Variants in AMHR2 observed in about 807,000 individuals in gnomAD.
AMHR2 encodes the protein anti-Mullerian hormone receptor type 2, also known as anti-Muellerian hormone type-2 receptor.
AMHR2 carries 36 observed loss-of-function variants against 61.4 expected under a neutral mutation model. The ratio of observed to expected loss-of-function variants is 0.59; its 90% confidence interval spans 0.45 to 0.77. The LOEUF (loss-of-function observed/expected upper bound fraction) is 0.77, where lower values mean the gene tolerates loss of function less well. Among genes scored for constraint, AMHR2 ranks in the 30% least tolerant of loss-of-function variants. The pLI, the probability that AMHR2 is intolerant of heterozygous loss-of-function variation, is 0.00. For synonymous variants in AMHR2, 258 were observed against 279.4 expected (o/e 0.92, Z 0.76); for missense variants, 638 against 714.6 (o/e 0.89, Z 1.22).
At chr12:53,428,668 G>A (rs747657981) in intron 6 of AMHR2, among the ~76,000 whole-genome samples, 22 of 152,178 alleles carry the variant, frequency 1.4e-4, no homozygotes, top group Non-Finnish European at 2.8e-4. Flanking sequence ...CACATCCACT[G>A]GGTCTGGACC....
At chr12:53,429,404 A>AAT in intron 7 of AMHR2, 49 bp from the exon 8 acceptor site, 1 of 1,506,808 alleles carries the variant, frequency 6.6e-7, no homozygotes, top group South Asian at 1.2e-5. Context: ...AAAAAAAAAA[A>AAT]GAGGGAGGAA....
intron 10 of AMHR2, chr12:53,430,573 C>A: frequency 2.0e-6 from 1 of 512,330 alleles, no homozygotes; most frequent in Non-Finnish European, 3.5e-6. Flanking sequence ...GTTCCTCAGT[C>A]CCCTTCTCCA....
intron 1 of AMHR2, 71 bp from the exon 2 acceptor site, chr12:53,424,217 T>G: frequency 6.3e-7 from 1 of 1,588,956 alleles, no homozygotes; most frequent in Non-Finnish European, 8.6e-7. Flanking sequence ...TTGTCTATTC[T>G]TTTGGCCAGT....
intron 6 of AMHR2, among the ~76,000 whole-genome samples, chr12:53,428,548 T>G (rs1939817143): frequency 6.6e-6 from 1 of 152,196 alleles, no homozygotes; most frequent in Non-Finnish European, 1.5e-5. Context: ...CCTCACCGAC[T>G]GACTTCAAGA....
rs374601719 is a variant in AMHR2, at chr12:53,425,242, G to A, written c.502G>A (p.Ala168Thr). The change falls in exon 4 of 11, where the codon GCC (alanine) becomes ACC (threonine). Residue 168 changes from alanine to threonine, a missense_variant and splice_region_variant. Coordinates refer to ENST00000257863, the MANE Select transcript of AMHR2 (RefSeq NM_020547.3). Reference protein sequence around the residue: ...LLLLLGSIILALLQRKNYRVR... With the variant: ...LLLLLGSIILTLLQRKNYRVR... ...GCTGCTGCTGGGCAGCATCATCTTG[G>A]GTACTAATCCACCCCATCCCTCCCT... 1.7e-5 allele frequency: 27 copies of A among 1,613,190 alleles called. No individual in the cohort carries two copies. The highest frequency in any genetic ancestry group is 1.3e-4 in the Admixed American group (8 of 59,968).
rs1939451366 is a variant in AMHR2, at chr12:53,425,225, TG to T, written c.488del (p.Gly163AlafsTer46). 1.2e-6 allele frequency: 2 copies of T among 1,613,806 alleles called. No individual in the cohort carries two copies. The highest frequency in any genetic ancestry group is 2.2e-5 in the South Asian group (2 of 91,078). ...CTGTTCCTCCTCCTCCTGCTGCTGCTGGGCAGCATCATCTTGGGTACTAATC... is the reference window on the plus strand; with the variant it reads ...CTGTTCCTCCTCCTCCTGCTGCTGCTGGCAGCATCATCTTGGGTACTAATC... Reference protein sequence around the residue: ...LGLFLLLLLLLGSIILALLQR... With the variant: ...LGLFLLLLLLXGSIILALLQR... On this transcript the variant is annotated frameshift_variant, in exon 4 of 11. Transcript: ENST00000257863. LOFTEE classifies it high-confidence loss of function.
Position 53,431,183 on chromosome 12 carries a change from G to T in AMHR2, c.1432G>T (p.Asp478Tyr). The stretch of plus-strand genomic sequence containing the variant: ...TCCCTGTCATTCCCCCCAGGACCCT[G>T]ATGGGCTGAGGGAGCTCCTAGAAGA... ...STWRCFATDP[D>Y]GLRELLEDCW... Residue 478 changes from aspartate (D) to tyrosine (Y), a missense_variant, in exon 11 of 11, where the codon GAT (aspartate) becomes TAT (tyrosine). Coordinates refer to ENST00000257863, the MANE Select transcript of AMHR2 (RefSeq NM_020547.3). 6.2e-7 allele frequency: 1 copy of T among 1,614,178 alleles called. No homozygotes were observed. Among genetic ancestry groups the T allele is most frequent in the Non-Finnish European group, 8.5e-7 (1 of 1,180,044 alleles).
intron 7 of AMHR2, 118 bp from the exon 8 acceptor site, chr12:53,429,335 T>A (rs1592604065): frequency 8.8e-7 from 1 of 1,133,478 alleles, no homozygotes; most frequent in Non-Finnish European, 1.3e-6. Context: ...GAGGTTGCAG[T>A]GAGCCGAGAT....
In AMHR2 at chr12:53,430,214, C is replaced by G; in HGVS notation, c.1357C>G (p.Leu453Val). 6.2e-7 allele frequency: 1 copy of G among 1,614,076 alleles called. No homozygotes were observed. Among genetic ancestry groups the G allele is most frequent in the Non-Finnish European group, 8.5e-7 (1 of 1,179,948 alleles). Residue 453 changes from leucine to valine, a missense_variant, in exon 10 of 11, where the codon CTA becomes GTA. Coordinates refer to ENST00000257863, the MANE Select transcript of AMHR2 (RefSeq NM_020547.3). ...GGGCAATACCCCTACCTCTGATGAGCTATGGGCCTTGGCAGTGCAGGAGAG... is the reference window on the plus strand; with the variant it reads ...GGGCAATACCCCTACCTCTGATGAGGTATGGGCCTTGGCAGTGCAGGAGAG... ...ELGNTPTSDE[L>V]WALAVQERRR...
rs766497586 is a variant in AMHR2, at chr12:53,431,169, C to G, written c.1426-8C>G. On this transcript the variant is annotated splice_polypyrimidine_tract_variant and splice_region_variant and intron_variant, in intron 10 of 10. Coordinates refer to ENST00000257863, the MANE Select transcript of AMHR2 (RefSeq NM_020547.3). Reference sequence around the variant, plus strand: ...GGGTCAACCCTTCCTCCCTGTCATTCCCCCCAGGACCCTGATGGGCTGAGG... The same window carrying G: ...GGGTCAACCCTTCCTCCCTGTCATTGCCCCCAGGACCCTGATGGGCTGAGG... The G allele has an allele frequency of 3.1e-6, 5 of 1,613,724 alleles. No individual in the cohort carries two copies. The highest frequency in any genetic ancestry group is 3.4e-6 in the Non-Finnish European group (4 of 1,179,886).
chr12:53,429,167 C>T (rs146521157), intron 7 of AMHR2, among the ~76,000 whole-genome samples, 157 bp downstream of exon 7: 3 of 152,036 alleles, frequency 2.0e-5, no homozygotes, highest in African/African-American at 7.2e-5. Context: ...CCGAGGTGGG[C>T]GGATCACAAG....
rs752372347 is a variant in AMHR2, at chr12:53,429,588, C to T, written c.1103C>T (p.Thr368Ile). 1 of 1,614,080 alleles carries T rather than the reference C, an allele frequency of 6.2e-7. No individual in the cohort carries two copies. Among genetic ancestry groups the T allele is most frequent in the East Asian group, 2.2e-5 (1 of 44,880 alleles). The stretch of plus-strand genomic sequence containing the variant: ...GGCCTCACTCAGCCCCCTGCCTGGA[C>T]CCCTACTCAACCACAAGGCCCAGCT... ...LPGLTQPPAW[T>I]PTQPQGPAAI... is the part of the protein sequence containing the mutation. Residue 368 changes from threonine (T) to isoleucine (I), a missense_variant, in exon 8 of 11, where the codon ACC (threonine) becomes ATC (isoleucine). Physicochemically the swap from Thr to Ile is moderately conservative, Grantham distance 89 (BLOSUM62 -1). Transcript: ENST00000257863.
chr12:53,429,221 T>C (rs1326819068), intron 7 of AMHR2, among the ~76,000 whole-genome samples: 1 of 151,954 alleles, frequency 6.6e-6, no homozygotes, highest in Non-Finnish European at 1.5e-5. Flanking sequence ...TGAAACCCTG[T>C]CTCTATTAAA....
chr12:53,424,066 G>A, intron 1 of AMHR2, 83 bp downstream of exon 1: 1 of 1,520,414 alleles, frequency 6.6e-7, no homozygotes, highest in African/African-American at 1.4e-5. Context: ...CACCCCTTTG[G>A]AAGAGTGGTG....
chr12:53,430,813 A>C, intron 10 of AMHR2: 1 of 403,884 alleles, frequency 2.5e-6, no homozygotes, highest in Non-Finnish European at 4.6e-6. Context: ...TCCCTTCTGT[A>C]CCTGATCTGA....
At chr12:53,425,053 G>C in intron 3 of AMHR2, 112 bp from the exon 4 acceptor site, 2 of 1,590,634 alleles carry the variant, frequency 1.3e-6, no homozygotes, top group Non-Finnish European at 8.5e-7. Context: ...GGAGATAAGG[G>C]GTCTTGTGAC....
chr12:53,431,597 A>C lies in AMHR2; in HGVS notation c.*124A>C, dbSNP rs1244793434. ...TCCTTGGATTCTTCTGCGGGCATCCAGTCCACATCAGTTCTGACCAGTGAC... is the reference window on the plus strand; with the variant it reads ...TCCTTGGATTCTTCTGCGGGCATCCCGTCCACATCAGTTCTGACCAGTGAC... On this transcript the variant is annotated 3_prime_UTR_variant, in exon 11 of 11. Coordinates refer to ENST00000257863, the MANE Select transcript of AMHR2 (RefSeq NM_020547.3). 5.7e-6 allele frequency: 7 copies of C among 1,238,638 alleles called. No individual in the cohort carries two copies. Among genetic ancestry groups the C allele is most frequent in the Non-Finnish European group, 8.1e-6 (7 of 863,012 alleles). 76.7% of individuals were successfully genotyped at this position (1,238,638 alleles called of 1,614,324 possible).
intron 3 of AMHR2, 79 bp from the exon 4 acceptor site, chr12:53,425,086 G>T: frequency 1.2e-6 from 2 of 1,605,114 alleles, no homozygotes; most frequent in South Asian, 1.1e-5. Flanking sequence ...GGGTTGAGAC[G>T]CAAGCTCTCA....
chr12:53,430,083 C>T (rs1189285161), intron 9 of AMHR2, 63 bp from the exon 10 acceptor site: 1 of 1,613,974 alleles, frequency 6.2e-7, no homozygotes, highest in Non-Finnish European at 8.5e-7. Flanking sequence ...CCCTGTCTTG[C>T]CCTTTCTACA....
Sources: gnomAD v4.1 joint callset for allele counts (sites outside exome capture counted in the v4.1 genomes callset) on GRCh38, gnomAD v4.1.1 for gene constraint, MANE v1.5 for transcripts, NCBI Gene and HGNC (gene_info 2026-07-23, HGNC 2026-07-21) for gene names.